RELN: variants seen among roughly 807,000 people sequenced by gnomAD.
The protein encoded by RELN is reelin.
A neutral mutation model predicts 427.6 loss-of-function variants in RELN; 108 were observed. That is an observed-to-expected ratio of 0.25 (90% CI 0.22 to 0.30). RELN has a LOEUF of 0.30. Ranked by LOEUF, RELN falls within the 10% of genes least tolerant of loss-of-function variation. The pLI is 1.00. For missense variants in RELN, 3,715 were observed against 4,302.8 expected, an observed-to-expected ratio of 0.86 and a Z score of 3.82; for synonymous variants, 1,524 against 1,513.4, an observed-to-expected ratio of 1.01 and a Z score of -0.16.
intron 40 of RELN, among the ~76,000 whole-genome samples, chr7:103,551,944 T>TGCGC (rs1296047761): frequency 6.8e-6 from 1 of 147,672 alleles, no homozygotes. Context: ...TGTGGGTGTG[T>TGCGC]GTGTGTGTGT....
intron 3 of RELN, among the ~76,000 whole-genome samples, chr7:103,813,828 C>T (rs1792803416): frequency 6.6e-6 from 1 of 152,098 alleles, no homozygotes; most frequent in East Asian, 1.9e-4. Context: ...CATTCTGACT[C>T]CTTAAATGAA....
At chr7:103,892,639 G>T (rs985457117) in intron 2 of RELN, among the ~76,000 whole-genome samples, 1 of 152,076 alleles carries the variant, frequency 6.6e-6, no homozygotes, top group Admixed American at 6.6e-5. Flanking sequence ...CACATTTGTA[G>T]TATTTTATAA....
At chr7:103,770,826 T>C (rs1467959341) in intron 4 of RELN, among the ~76,000 whole-genome samples, 1 of 151,960 alleles carries the variant, frequency 6.6e-6, no homozygotes, top group Non-Finnish European at 1.5e-5. Context: ...AGATTGAGCA[T>C]GAAGCTTTCC....
At chr7:103,779,731 CTTCT>C (rs1022070538) in intron 3 of RELN, among the ~76,000 whole-genome samples, 15 of 151,844 alleles carry the variant, frequency 9.9e-5, no homozygotes, top group African/African-American at 3.6e-4. Context: ...TTCTTTTTTC[CTTCT>C]TTCTTTCTGT....
intron 2 of RELN, among the ~76,000 whole-genome samples, chr7:103,906,174 G>A (rs1795200732): frequency 6.6e-6 from 1 of 152,062 alleles, no homozygotes; most frequent in Admixed American, 6.6e-5. Flanking sequence ...CTCAGTCAAG[G>A]TTCTTTGGGT....
chr7:103,521,605 C>T (rs1214246593), intron 48 of RELN, among the ~76,000 whole-genome samples: 2 of 152,168 alleles, frequency 1.3e-5, no homozygotes, highest in Non-Finnish European at 2.9e-5. Flanking sequence ...ATTAGAAGGG[C>T]TCCATGCAGA....
intron 5 of RELN, among the ~76,000 whole-genome samples, chr7:103,749,902 C>T (rs1057208633): frequency 2.0e-5 from 3 of 152,102 alleles, no homozygotes; most frequent in African/African-American, 7.2e-5. Flanking sequence ...GTGGAAGGGA[C>T]GGTGGGAGGT....
At chr7:103,726,101 G>A (rs1163764135) in intron 7 of RELN, among the ~76,000 whole-genome samples, 3 of 152,166 alleles carry the variant, frequency 2.0e-5, no homozygotes, top group Non-Finnish European at 2.9e-5. Flanking sequence ...ACGGCATTCA[G>A]TCACAAAGTA....
In RELN at chr7:103,989,385, G is replaced by GCGC; in HGVS notation, c.-30_-29insGCG. On this transcript the variant is annotated 5_prime_UTR_variant, in exon 1 of 65. Coordinates refer to ENST00000428762, the MANE Select transcript of RELN (RefSeq NM_005045.4). The surrounding 1 kb of genome is among the most constrained non-coding windows in gnomAD (Gnocchi z 4.9). Reference sequence around the variant, plus strand: ...GCCGCCGCCGCCGCCGCCGCCGCGCGCCCTACGCGCCGCTCGCTCATTCAG... The same window carrying GCGC: ...GCCGCCGCCGCCGCCGCCGCCGCGCGCGCCCCTACGCGCCGCTCGCTCATTCAG... 1.2e-6 allele frequency: 1 copy of GCGC among 804,780 alleles called. No individual in the cohort carries two copies. The highest frequency in any genetic ancestry group is 1.6e-6 in the Non-Finnish European group (1 of 607,958). 49.9% of individuals were successfully genotyped at this position (804,780 alleles called of 1,614,324 possible). A position where few individuals can be genotyped will look rare whatever the true frequency, so the allele number is the denominator to read the frequency against.
chr7:103,759,262 T>C (rs1432725985), intron 4 of RELN, among the ~76,000 whole-genome samples: 2 of 152,078 alleles, frequency 1.3e-5, no homozygotes, highest in African/African-American at 4.8e-5. Flanking sequence ...ATAAAGATAA[T>C]TATTCAAAAA....
chr7:103,592,640 C>T (rs1831445602), intron 27 of RELN, among the ~76,000 whole-genome samples: 1 of 152,092 alleles, frequency 6.6e-6, no homozygotes, highest in Admixed American at 6.5e-5. Context: ...AAATATTTAA[C>T]ACTATTTTTT....
chr7:103,893,311 G>T (rs979689758), intron 2 of RELN, among the ~76,000 whole-genome samples: 3 of 152,030 alleles, frequency 2.0e-5, no homozygotes, highest in Non-Finnish European at 2.9e-5. Context: ...TTCCTTCCTT[G>T]TCTGTCTCCA....
chr7:103,639,458 G>T (rs1470422162), intron 17 of RELN, among the ~76,000 whole-genome samples: 11 of 147,394 alleles, frequency 7.5e-5, no homozygotes, highest in African/African-American at 2.8e-4. Flanking sequence ...GGAGTGCAGT[G>T]ACACGATCTT....
intron 1 of RELN, among the ~76,000 whole-genome samples, chr7:103,971,333 G>C (rs1253262940): frequency 1.3e-5 from 2 of 151,940 alleles, no homozygotes; most frequent in African/African-American, 4.8e-5. Flanking sequence ...GGGGGTTGGG[G>C]GGAATACCTG....
intron 1 of RELN, among the ~76,000 whole-genome samples, chr7:103,962,692 T>C (rs1194709903): frequency 6.7e-6 from 1 of 149,658 alleles, no homozygotes; most frequent in Non-Finnish European, 1.5e-5. Flanking sequence ...AATATATGTA[T>C]TATGGACTAA....
chr7:103,896,791 C>T (rs910590163), intron 2 of RELN, among the ~76,000 whole-genome samples: 11 of 151,952 alleles, frequency 7.2e-5, no homozygotes, highest in Admixed American at 3.9e-4. Context: ...TTTTGATGTA[C>T]GTTTGAAATT....
At chr7:103,853,253 A>G (rs1793866518) in intron 2 of RELN, among the ~76,000 whole-genome samples, 3 of 152,092 alleles carry the variant, frequency 2.0e-5, no homozygotes, top group Admixed American at 2.0e-4. Flanking sequence ...TTGAATACAC[A>G]TTCACTTGAA....
intron 2 of RELN, among the ~76,000 whole-genome samples, chr7:103,859,749 A>C (rs999991457): frequency 1.1e-4 from 17 of 152,214 alleles, no homozygotes; most frequent in Non-Finnish European, 2.2e-4. Context: ...TTCACAAATT[A>C]TAGAGTTCCA....
intron 43 of RELN, among the ~76,000 whole-genome samples, chr7:103,541,029 A>G (rs891338651): frequency 1.3e-5 from 2 of 152,154 alleles, no homozygotes; most frequent in Admixed American, 6.5e-5. Flanking sequence ...GAGGTATGTC[A>G]AGCCTGGGCC....
Sources: gnomAD v4.1 joint callset for allele counts (sites outside exome capture counted in the v4.1 genomes callset) on GRCh38, gnomAD v4.1.1 for gene constraint, Gnocchi (gnomAD v3.1) non-coding constraint, MANE v1.5 for transcripts, NCBI Gene and HGNC (gene_info 2026-07-23, HGNC 2026-07-21) for gene names.